CDK13: variants seen among roughly 807,000 people sequenced by gnomAD.
The protein encoded by CDK13 is cyclin dependent kinase 13.
A neutral mutation model predicts 137.6 loss-of-function variants in CDK13; 40 were observed. That is an observed-to-expected ratio of 0.29 (90% CI 0.23 to 0.38). The LOEUF (loss-of-function observed/expected upper bound fraction) is 0.38. Among genes scored for constraint, CDK13 ranks in the 10% least tolerant of loss-of-function variants. The probability of loss-of-function intolerance (pLI) is 1.00; values close to 1 mark genes in which losing one functional copy is unlikely to be tolerated. For synonymous variants in CDK13, 869 were observed against 760.1 expected (o/e 1.14, Z -2.36); for missense variants, 1,704 against 1,951.8 (o/e 0.87, Z 2.39).
chr7:40,012,217 C>A (rs571562348), intron 5 of CDK13, among the ~76,000 whole-genome samples: 2 of 152,262 alleles, frequency 1.3e-5, no homozygotes, highest in African/African-American at 4.8e-5. Flanking sequence ...AGAGAGAGTA[C>A]AATGGTGCAG....
Position 39,980,078 on chromosome 7 carries a change from A to T in CDK13, c.1212-7521A>T, listed in dbSNP as rs371489801. ...AGAAAATAAATTTGTGTTGTTCTAA[A>T]CTGCTGACTTTGTGGAGTTTTCTGT... On this transcript the variant is annotated intron_variant, in intron 1 of 13. Transcript: ENST00000181839. Among the ~76,000 whole-genome samples, 115 of 152,314 alleles carry T rather than the reference A, an allele frequency of 7.6e-4. 1 individual carries two copies. The South Asian group carries it at 0.022, about 30-fold the overall frequency.
chr7:40,064,957 ATTTTTTTTTTTTTTTTTTTT>A (rs56710188), intron 9 of CDK13, among the ~76,000 whole-genome samples: 9 of 46,104 alleles, frequency 2.0e-4, no homozygotes, highest in East Asian at 1.7e-3. Flanking sequence ...ATGCTGGGTG[ATTTTTTTTTTTTTTTTTTTT>A]TTTTTTTTTT....
intron 1 of CDK13, among the ~76,000 whole-genome samples, chr7:39,978,159 C>T (rs1784147573): frequency 6.6e-6 from 1 of 151,918 alleles, no homozygotes; most frequent in African/African-American, 2.4e-5. Flanking sequence ...CCACACATAG[C>T]ATAAATTAAA....
At position 39,987,870 on chromosome 7, in the gene CDK13, C is replaced by G. The variant is rs766839532; in HGVS notation, c.1483C>G (p.Pro495Ala). Residue 495 changes from proline to alanine, a missense_variant, in exon 2 of 14, where the codon CCT (proline) becomes GCT (alanine). By Grantham distance (27) the Pro-to-Ala change is conservative. Around this residue, in one of 5 missense-constraint regions of CDK13, gnomAD observed 1,051 missense variants for 931.0 expected, o/e 1.13. Transcript: ENST00000181839. ...KAAKASNTSTPTKGNTETSAS... is the reference protein window; with the variant it reads ...KAAKASNTSTATKGNTETSAS... ...TGCAAAAGCTTCAAACACTTCTACA[C>G]CTACCAAGGGGAACACGGAAACTAG... 1 of 1,614,210 alleles carries G rather than the reference C, an allele frequency of 6.2e-7. No individual in the cohort carries two copies. Among genetic ancestry groups the G allele is most frequent in the Non-Finnish European group, 8.5e-7 (1 of 1,180,038 alleles).
chr7:40,010,867 C>T (rs573935460), intron 5 of CDK13, among the ~76,000 whole-genome samples: 1 of 151,888 alleles, frequency 6.6e-6, no homozygotes, highest in Admixed American at 6.6e-5. Context: ...GTTCTGTATA[C>T]AAGTAATGAA....
rs530065601 is a variant in CDK13, at chr7:39,952,010, C to T, written c.1211+158C>T. On this transcript the variant is annotated intron_variant, in intron 1 of 13. Coordinates refer to ENST00000181839, the MANE Select transcript of CDK13 (RefSeq NM_003718.5). Reference sequence around the variant, plus strand: ...CCCAGGAAGGATAGGCGTTTTCGCGCGCGTGACACTTTTTTAGGGGGTCGA... The same window carrying T: ...CCCAGGAAGGATAGGCGTTTTCGCGTGCGTGACACTTTTTTAGGGGGTCGA... 5.7e-6 allele frequency: 4 copies of T among 705,016 alleles called. No homozygotes were observed. The East Asian group carries it at 1.4e-4, about 24-fold the overall frequency. The allele number at this position is 705,016 out of a possible 1,614,324, so 43.7% of individuals were successfully genotyped here.
At chr7:40,023,669 T>G (rs1409567433) in intron 5 of CDK13, among the ~76,000 whole-genome samples, 2 of 151,780 alleles carry the variant, frequency 1.3e-5, no homozygotes, top group Admixed American at 6.6e-5. Context: ...CTGGCTAATT[T>G]TTTGTATTTT....
At chr7:40,040,103 C>T (rs563636745) in intron 5 of CDK13, among the ~76,000 whole-genome samples, 1 of 151,906 alleles carries the variant, frequency 6.6e-6, no homozygotes, top group South Asian at 2.1e-4. Flanking sequence ...CCTCTGTCTC[C>T]CAGATTCAAG....
At chr7:40,057,627 T>G (rs191285020) in intron 7 of CDK13, among the ~76,000 whole-genome samples, 2 of 152,294 alleles carry the variant, frequency 1.3e-5, no homozygotes, top group African/African-American at 4.8e-5. Flanking sequence ...CCACGAATGG[T>G]GAGGCTGTTT....
At chr7:39,965,407 A>G (rs1783848085) in intron 1 of CDK13, among the ~76,000 whole-genome samples, 2 of 152,188 alleles carry the variant, frequency 1.3e-5, no homozygotes, top group Admixed American at 6.5e-5. Context: ...TTGTTGGCTT[A>G]AAGTCTGTTT....
Position 39,987,782 on chromosome 7 carries a change from A to AAGAGCCGCAGAAGCAGCG in CDK13, c.1397_1414dup (p.Arg466_Ala471dup), listed in dbSNP as rs1298685559. ...AAAAAGCACGAGCAGCAGAGGCAGCAAGAGCCGCAGAAGCAGCGAAAGCTG... is the reference window on the plus strand; with the variant it reads ...AAAAAGCACGAGCAGCAGAGGCAGCAAGAGCCGCAGAAGCAGCGAGAGCCGCAGAAGCAGCGAAAGCTG... On this transcript the variant is annotated inframe_insertion, in exon 2 of 14. Coordinates refer to ENST00000181839, the MANE Select transcript of CDK13 (RefSeq NM_003718.5). 5 of 1,613,976 alleles carry AAGAGCCGCAGAAGCAGCG rather than the reference A, an allele frequency of 3.1e-6. No individual in the cohort carries two copies. The highest frequency in any genetic ancestry group is 4.2e-6 in the Non-Finnish European group (5 of 1,179,992).
intron 1 of CDK13, among the ~76,000 whole-genome samples, chr7:39,982,730 T>A (rs1784255215): frequency 1.3e-5 from 2 of 152,346 alleles, no homozygotes; most frequent in South Asian, 4.1e-4. Flanking sequence ...AGATGGTATC[T>A]CATTGTGGTT....
intron 5 of CDK13, among the ~76,000 whole-genome samples, chr7:40,029,720 T>C (rs1482415555): frequency 6.6e-6 from 1 of 152,040 alleles, no homozygotes; most frequent in Non-Finnish European, 1.5e-5. Context: ...TGCTGTGATC[T>C]TGGCTCACCA....
chr7:40,053,388 A>G lies in CDK13; in HGVS notation c.2600+5511A>G, dbSNP rs533236418. 5.3e-4 allele frequency among the ~76,000 whole-genome samples: 80 copies of G among 152,188 alleles called. 1 individual carries two copies. The highest frequency in any genetic ancestry group is 5.2e-3 in the Admixed American group (79 of 15,288). On this transcript the variant is annotated intron_variant, in intron 7 of 13. Coordinates refer to ENST00000181839, the MANE Select transcript of CDK13 (RefSeq NM_003718.5). Reference sequence around the variant, plus strand: ...GGTTTCCAGTCACCTCATATAGGCCATTGTAAATAGAATTGTATTGGTTTT... The same window carrying G: ...GGTTTCCAGTCACCTCATATAGGCCGTTGTAAATAGAATTGTATTGGTTTT...
chr7:40,068,406 A>C (rs566915076), intron 9 of CDK13, among the ~76,000 whole-genome samples: 109 of 152,072 alleles, frequency 7.2e-4, no homozygotes, highest in African/African-American at 2.5e-3. Context: ...ACTAAGAAGG[A>C]AATAGTTGGT....
At chr7:40,043,897 A>ATT (rs1785673250) in intron 5 of CDK13, among the ~76,000 whole-genome samples, 7 of 123,390 alleles carry the variant, frequency 5.7e-5, no homozygotes, top group Non-Finnish European at 1.1e-4. Flanking sequence ...AATTTTGTAT[A>ATT]ATTTTTTTTT....
At chr7:40,002,987 G>A (rs1210827586) in intron 5 of CDK13, among the ~76,000 whole-genome samples, 2 of 152,102 alleles carry the variant, frequency 1.3e-5, no homozygotes, top group East Asian at 3.9e-4. Context: ...GCTGAGGCAG[G>A]AGGATCTCTT....
intron 7 of CDK13, among the ~76,000 whole-genome samples, chr7:40,056,509 T>C (rs995854433): frequency 6.6e-6 from 1 of 152,160 alleles, no homozygotes; most frequent in African/African-American, 2.4e-5. Flanking sequence ...AAAAACCAAA[T>C]GATAATGGAT....
intron 5 of CDK13, among the ~76,000 whole-genome samples, chr7:40,034,259 G>C (rs1261786924): frequency 6.6e-6 from 1 of 152,108 alleles, no homozygotes; most frequent in East Asian, 1.9e-4. Context: ...GTAAGTTGTG[G>C]TTCTCTGTAT....
Sources: gnomAD v4.1 joint callset for allele counts (sites outside exome capture counted in the v4.1 genomes callset) on GRCh38, gnomAD v4.1.1 for gene constraint, gnomAD v4.1.1 regional missense constraint, MANE v1.5 for transcripts, NCBI Gene and HGNC (gene_info 2026-07-23, HGNC 2026-07-21) for gene names.